The following C1QL1 variants were observed in gnomAD, a reference collection of about 807,000 sequenced individuals.
C1QL1 encodes the protein C1q-related factor.
A neutral mutation model predicts 14.2 loss-of-function variants in C1QL1; 15 were observed. The observed-to-expected ratio is 1.06, with a 90% confidence interval of 0.71 to 1.62. The LOEUF is 1.62. Among genes scored for constraint, C1QL1 ranks in the 40% most tolerant of loss-of-function variants. C1QL1 has a pLI of 0.00. For missense variants in C1QL1, 346 were observed against 380.3 expected (o/e 0.91, Z 0.75); for synonymous variants, 172 against 172.4 (o/e 1.00, Z 0.02).
In C1QL1 at chr17:44,967,641, G is replaced by C. The variant is rs2052664482; in HGVS notation, c.408C>G (p.Leu136=). The change falls in exon 1 of 2, where the codon CTC becomes CTG. Residue 136 remains leucine, a synonymous_variant. Transcript: ENST00000253407. The surrounding 1 kb of genome is among the most constrained non-coding windows in gnomAD (Gnocchi z 7.0). ...TVPRVAFYAG[L]KNPHEGYEVL... is the part of the protein sequence containing the mutation. ...CCTCGTAACCCTCGTGGGGGTTCTT[G>C]AGGCCGGCGTAGAAGGCCACGCGCG... 1 of 1,613,870 alleles carries C rather than the reference G, an allele frequency of 6.2e-7. No individual in the cohort carries two copies. The highest frequency in any genetic ancestry group is 1.3e-5 in the African/African-American group (1 of 75,048).
Position 44,967,676 on chromosome 17 carries a change from T to A in C1QL1, c.373A>T (p.Thr125Ser). ...TAGAAGGCCACGCGCGGCACCGTGG[T>A]GTAGGTGGCAGTGCTGATGGCGCCG... ...GSGAISTATY[T>S]TVPRVAFYAG... Residue 125 changes from threonine to serine, a missense_variant, in exon 1 of 2, where the codon ACC becomes TCC. Transcript: ENST00000253407. This position sits in a 1 kb window ranked among gnomAD's most constrained non-coding sequence, Gnocchi z 7.0. The A allele has an allele frequency of 6.2e-7, 1 of 1,613,140 alleles. No homozygotes were observed. Among genetic ancestry groups the A allele is most frequent in the Non-Finnish European group, 8.5e-7 (1 of 1,179,758 alleles).
chr17:44,967,408 G>A lies in C1QL1; in HGVS notation c.597+44C>T, dbSNP rs754116847. 3 of 1,588,248 alleles carry A rather than the reference G, an allele frequency of 1.9e-6. No individual in the cohort carries two copies. The highest frequency in any genetic ancestry group is 2.2e-5 in the South Asian group (2 of 89,666). ...GTACCCATTTGCCCCGGGCTCCCTG[G>A]GTGCCCTGGGCCCAGCCCAGCCCCA... On this transcript the variant is annotated intron_variant, in intron 1 of 1. Transcript: ENST00000253407. This position sits in a 1 kb window ranked among gnomAD's most constrained non-coding sequence, Gnocchi z 7.0.
Position 44,960,256 on chromosome 17 carries a change from C to T in C1QL1, c.709G>A (p.Gly237Ser), listed in dbSNP as rs2052620084. The T allele has an allele frequency of 1.2e-6, 2 of 1,614,074 alleles. No homozygotes were observed. The highest frequency in any genetic ancestry group is 1.7e-6 in the Non-Finnish European group (2 of 1,180,020). ...TTGCTGTTGCCGCCGTGTGCTTTGC[C>T]TCCATCCAGCTTGATGAAGACCTCG... is the stretch of plus-strand genomic sequence containing the variant. ...GDEVFIKLDGGKAHGGNSNKY... is the reference protein window; with the variant it reads ...GDEVFIKLDGSKAHGGNSNKY... The change falls in exon 2 of 2, where the codon GGC (glycine) becomes AGC (serine). Residue 237 changes from glycine (G) to serine (S), a missense_variant. Gly to Ser is a moderately conservative substitution (Grantham distance 56). Coordinates refer to ENST00000253407, the MANE Select transcript of C1QL1 (RefSeq NM_006688.5).
Position 44,967,939 on chromosome 17 carries a change from G to A in C1QL1, c.110C>T (p.Ala37Val). 1 of 1,290,560 alleles carries A rather than the reference G, an allele frequency of 7.7e-7. No homozygotes were observed. The highest frequency in any genetic ancestry group is 9.8e-7 in the Non-Finnish European group (1 of 1,023,668). 79.9% of individuals were successfully genotyped at this position (1,290,560 alleles called of 1,614,324 possible). A position where few individuals can be genotyped will look rare whatever the true frequency, so the allele number is the denominator to read the frequency against. The change falls in exon 1 of 2, where the codon GCG becomes GTG. Residue 37 changes from alanine to valine, a missense_variant. Physicochemically the swap from Ala to Val is moderately conservative, Grantham distance 64. Coordinates refer to ENST00000253407, the MANE Select transcript of C1QL1 (RefSeq NM_006688.5). The surrounding 1 kb of genome is among the most constrained non-coding windows in gnomAD (Gnocchi z 7.0). The stretch of plus-strand genomic sequence containing the variant: ...CCGCGCGCCGGCGCCGGGGCCCCGC[G>A]CGGGGTAGGGGTCGCACACCATGCG... ...TCRMVCDPYP[A>V]RGPGAGARTD... is the part of the protein sequence containing the mutation.
At position 44,968,164 on chromosome 17, in the gene C1QL1, CTAG is replaced by C; in HGVS notation, c.-119_-117del. ...GGTGCCGGCGGGCAGGGGGCGCGGG[CTAG>C]GCGCCCGCGCTCAAGGACGGTCCGG... On this transcript the variant is annotated 5_prime_UTR_variant, in exon 1 of 2. Transcript: ENST00000253407. 1 of 457,066 alleles carries C rather than the reference CTAG, an allele frequency of 2.2e-6. No homozygotes were observed. Among genetic ancestry groups the C allele is most frequent in the Non-Finnish European group, 3.1e-6 (1 of 322,114 alleles). The allele number at this position is 457,066 out of a possible 1,614,324, so 28.3% of individuals were successfully genotyped here. A position where few individuals can be genotyped will look rare whatever the true frequency, so the allele number is the denominator to read the frequency against.
intron 1 of C1QL1, among the ~76,000 whole-genome samples, chr17:44,961,692 C>G (rs946367131): frequency 6.6e-6 from 1 of 150,992 alleles, no homozygotes; most frequent in African/African-American, 2.4e-5. Context: ...CGAGACCATC[C>G]TGGCTAACAA....
chr17:44,962,821 G>A (rs1398962688), intron 1 of C1QL1, among the ~76,000 whole-genome samples: 1 of 152,188 alleles, frequency 6.6e-6, no homozygotes, highest in East Asian at 1.9e-4. Context: ...CTGTCATCAG[G>A]AATCTCCTGG....
intron 1 of C1QL1, among the ~76,000 whole-genome samples, chr17:44,960,818 G>C (rs1438856273): frequency 6.6e-6 from 1 of 152,194 alleles, no homozygotes; most frequent in Non-Finnish European, 1.5e-5. Flanking sequence ...TGGATCTTAT[G>C]TCAGTGGATG....
At chr17:44,966,771 C>T (rs1274604850) in intron 1 of C1QL1, among the ~76,000 whole-genome samples, 12 of 139,522 alleles carry the variant, frequency 8.6e-5, no homozygotes, top group Non-Finnish European at 1.9e-4. Flanking sequence ...CCCCACCCCC[C>T]ACCCCCTCCC....
chr17:44,962,185 G>T (rs528950390), intron 1 of C1QL1, among the ~76,000 whole-genome samples: 2 of 152,218 alleles, frequency 1.3e-5, no homozygotes. Context: ...CAACTCCCAG[G>T]GCTGAAGTCT....
chr17:44,961,305 T>C (rs1272299508), intron 1 of C1QL1, among the ~76,000 whole-genome samples: 1 of 152,172 alleles, frequency 6.6e-6, no homozygotes, highest in Non-Finnish European at 1.5e-5. Flanking sequence ...TAAGAGATTG[T>C]GTGGTGGCTG....
In C1QL1 at chr17:44,960,298, G is replaced by T; in HGVS notation, c.667C>A (p.His223Asn). ...AAGACCTCGTCGCCGGCGTCCAGGT[G>T]CAGGATCACGCTGTTGCTGGCGTAG... ...YDYASNSVIL[H>N]LDAGDEVFIK... Residue 223 changes from histidine (H) to asparagine (N), a missense_variant, in exon 2 of 2, where the codon CAC becomes AAC. His to Asn is a moderately conservative substitution (Grantham distance 68). Coordinates refer to ENST00000253407, the MANE Select transcript of C1QL1 (RefSeq NM_006688.5). 1 of 1,614,198 alleles carries T rather than the reference G, an allele frequency of 6.2e-7. No individual in the cohort carries two copies. The highest frequency in any genetic ancestry group is 8.5e-7 in the Non-Finnish European group (1 of 1,180,016).
Position 44,960,033 on chromosome 17 carries a change from A to T in C1QL1, c.*155T>A. 1 of 683,492 alleles carries T rather than the reference A, an allele frequency of 1.5e-6. No homozygotes were observed. The highest frequency in any genetic ancestry group is 2.6e-6 in the Non-Finnish European group (1 of 389,432). 42.3% of individuals were successfully genotyped at this position (683,492 alleles called of 1,614,324 possible). On this transcript the variant is annotated 3_prime_UTR_variant, in exon 2 of 2. Coordinates refer to ENST00000253407, the MANE Select transcript of C1QL1 (RefSeq NM_006688.5). ...CTGCAGCGAGCCGGTGGGAGGGCCT[A>T]GCTGTGGCCCAGGCGGTGTTGAGCA...
rs1212642311 is a variant in C1QL1 at position 44,960,291 on chromosome 17, T to C, written c.674A>G (p.Asp225Gly). Reference sequence around the variant, plus strand: ...CTTGATGAAGACCTCGTCGCCGGCGTCCAGGTGCAGGATCACGCTGTTGCT... The same window carrying C: ...CTTGATGAAGACCTCGTCGCCGGCGCCCAGGTGCAGGATCACGCTGTTGCT... ...YASNSVILHLDAGDEVFIKLD... is the reference protein window; with the variant it reads ...YASNSVILHLGAGDEVFIKLD... The change falls in exon 2 of 2, where the codon GAC (aspartate) becomes GGC (glycine). Residue 225 changes from aspartate to glycine, a missense_variant. Coordinates refer to ENST00000253407, the MANE Select transcript of C1QL1 (RefSeq NM_006688.5). 1.9e-6 allele frequency: 3 copies of C among 1,614,130 alleles called. No individual in the cohort carries two copies. The highest frequency in any genetic ancestry group is 1.7e-6 in the Non-Finnish European group (2 of 1,179,972).
At chr17:44,964,407 T>G (rs1368343303) in intron 1 of C1QL1, among the ~76,000 whole-genome samples, 1 of 152,216 alleles carries the variant, frequency 6.6e-6, no homozygotes, top group Non-Finnish European at 1.5e-5. Flanking sequence ...ACACTTGACC[T>G]TTTATATTCT....
chr17:44,965,078 T>TG (rs2052650359), intron 1 of C1QL1, among the ~76,000 whole-genome samples: 2 of 151,880 alleles, frequency 1.3e-5, no homozygotes, highest in African/African-American at 4.8e-5. Context: ...AGTGGCGCGA[T>TG]CTCAGCTCAC....
At chr17:44,966,161 G>A (rs1238028894) in intron 1 of C1QL1, among the ~76,000 whole-genome samples, 1 of 152,160 alleles carries the variant, frequency 6.6e-6, no homozygotes, top group African/African-American at 2.4e-5. Context: ...GCAGGGGAGA[G>A]GCAGAAACCA....
rs761519417 is a variant in C1QL1, at chr17:44,967,672, G to A, written c.377C>T (p.Thr126Met). The A allele has an allele frequency of 1.9e-6, 3 of 1,613,190 alleles. No homozygotes were observed. Among genetic ancestry groups the A allele is most frequent in the African/African-American group, 1.3e-5 (1 of 74,928 alleles). ...GGCGTAGAAGGCCACGCGCGGCACCGTGGTGTAGGTGGCAGTGCTGATGGC... is the reference window on the plus strand; with the variant it reads ...GGCGTAGAAGGCCACGCGCGGCACCATGGTGTAGGTGGCAGTGCTGATGGC... The part of the protein sequence containing the change: ...SGAISTATYT[T>M]VPRVAFYAGL... The change falls in exon 1 of 2, where the codon ACG becomes ATG. Residue 126 changes from threonine (T) to methionine (M), a missense_variant. By Grantham distance (81) the Thr-to-Met change is moderately conservative. Transcript: ENST00000253407. This position sits in a 1 kb window ranked among gnomAD's most constrained non-coding sequence, Gnocchi z 7.0.
chr17:44,960,440 C>T (rs955433971), intron 1 of C1QL1, 73 bp from the exon 2 acceptor site: 18 of 1,090,264 alleles, frequency 1.7e-5, no homozygotes, highest in Non-Finnish European at 2.4e-5. Flanking sequence ...GAGGCAGTCC[C>T]GTGGGGGAGG....
Sources: allele counts gnomAD v4.1 joint callset (sites outside exome capture counted in the v4.1 genomes callset), GRCh38; gene constraint gnomAD v4.1.1; non-coding constraint Gnocchi (gnomAD v3.1); transcripts MANE v1.5; gene names NCBI Gene and HGNC (gene_info 2026-07-23, HGNC 2026-07-21).